VPS13C: variants seen among roughly 807,000 people sequenced by gnomAD.
VPS13C encodes the protein vacuolar protein sorting 13 homolog C, also known as intermembrane lipid transfer protein VPS13C.
A neutral mutation model predicts 456.8 loss-of-function variants in VPS13C; 358 were observed. The observed-to-expected ratio is 0.78, with a 90% confidence interval of 0.72 to 0.86. The LOEUF (loss-of-function observed/expected upper bound fraction) is 0.86. VPS13C is among the 40% of genes least tolerant of loss of function. VPS13C has a pLI of 0.00. For synonymous variants in VPS13C, 1,578 were observed against 1,486.7 expected (o/e 1.06, Z -1.41); for missense variants, 4,818 against 4,385.4 (o/e 1.10, Z -2.79).
rs201319577 is a variant in VPS13C at position 61,929,774 on chromosome 15, T to C, written c.6039-26A>G. On this transcript the variant is annotated intron_variant, in intron 50 of 84. Transcript: ENST00000644861. ...CTGAAAAAAAACATGCTATTCATTA[T>C]TTTATTCTTGCTAAAACAATAAAAA... 2.5e-4 allele frequency: 389 copies of C among 1,586,526 alleles called. 2 individuals carry two copies. In the African/African-American group the frequency reaches 4.8e-3, roughly 19 times the overall value.
chr15:61,894,452 A>C (rs2042743692), intron 66 of VPS13C, among the ~76,000 whole-genome samples: 1 of 152,206 alleles, frequency 6.6e-6, no homozygotes, highest in Non-Finnish European at 1.5e-5. Context: ...TAAATTAAAA[A>C]ATATGGCCCA....
At chr15:61,896,245 G>A (rs1482356010) in intron 66 of VPS13C, among the ~76,000 whole-genome samples, 1 of 152,196 alleles carries the variant, frequency 6.6e-6, no homozygotes, top group Non-Finnish European at 1.5e-5. Context: ...TAAGGGGGAG[G>A]AGCCAAGATG....
chr15:62,052,862 G>T (rs1015008159), intron 1 of VPS13C, among the ~76,000 whole-genome samples: 1 of 152,012 alleles, frequency 6.6e-6, no homozygotes, highest in Non-Finnish European at 1.5e-5. Context: ...TTTCCCTACT[G>T]AAACAGGAAG....
Position 61,915,915 on chromosome 15 carries a change from T to C in VPS13C, c.8163A>G (p.Lys2721=), listed in dbSNP as rs1209659844. ...GTATGCGGAAATGTCCATTCCAGTT[T>C]TTGCCCTGGTATTTCACCAGGACTA... is the stretch of plus-strand genomic sequence containing the variant. ...MELVLVKYQG[K]NWNGHFRIRD... Residue 2721 remains lysine (K), a synonymous_variant, in exon 61 of 85, where the codon AAA becomes AAG. Coordinates refer to ENST00000644861, the MANE Select transcript of VPS13C (RefSeq NM_020821.3). The C allele has an allele frequency of 3.1e-6, 5 of 1,613,958 alleles. No homozygotes were observed. Among genetic ancestry groups the C allele is most frequent in the Non-Finnish European group, 4.2e-6 (5 of 1,179,988 alleles).
intron 81 of VPS13C, chr15:61,865,636 A>T (rs2140856564): frequency 2.3e-6 from 1 of 428,052 alleles, no homozygotes; most frequent in South Asian, 9.8e-5. Flanking sequence ...ATATGGGTAT[A>T]TTTGTATGTG....
chr15:61,928,260 C>T (rs978598776), intron 51 of VPS13C, among the ~76,000 whole-genome samples: 12 of 151,558 alleles, frequency 7.9e-5, no homozygotes, highest in Admixed American at 5.2e-4. Flanking sequence ...TGTGCATGTA[C>T]GCAGGCATAA....
chr15:62,049,583 T>C (rs1037884519), intron 1 of VPS13C, among the ~76,000 whole-genome samples: 2 of 152,210 alleles, frequency 1.3e-5, no homozygotes, highest in Non-Finnish European at 2.9e-5. Flanking sequence ...CTTGGCAACA[T>C]GGGCTCTTTT....
intron 5 of VPS13C, among the ~76,000 whole-genome samples, chr15:62,030,105 G>C (rs1196990267): frequency 6.6e-6 from 1 of 152,078 alleles, no homozygotes; most frequent in Non-Finnish European, 1.5e-5. Flanking sequence ...AGTACCAACA[G>C]ATGGGTTTAC....
chr15:62,035,977 C>G (rs1304427446), intron 3 of VPS13C, among the ~76,000 whole-genome samples: 1 of 152,002 alleles, frequency 6.6e-6, no homozygotes, highest in Admixed American at 6.6e-5. Flanking sequence ...CTGTCAAAAT[C>G]TTTCCATGTT....
chr15:61,936,272 C>G (rs2044223811), intron 48 of VPS13C, among the ~76,000 whole-genome samples: 1 of 152,154 alleles, frequency 6.6e-6, no homozygotes, highest in South Asian at 2.1e-4. Flanking sequence ...AGGTCCTTTT[C>G]TCTCTTAATT....
intron 42 of VPS13C, among the ~76,000 whole-genome samples, chr15:61,947,806 T>C (rs2044657011): frequency 6.6e-6 from 1 of 152,218 alleles, no homozygotes. Context: ...TTACACCCTG[T>C]TGCTCCATCA....
chr15:61,897,703 C>T (rs1235449394), intron 66 of VPS13C, among the ~76,000 whole-genome samples: 1 of 151,938 alleles, frequency 6.6e-6, no homozygotes, highest in Non-Finnish European at 1.5e-5. Context: ...GGAGAACTTC[C>T]CCAATCTAGT....
intron 66 of VPS13C, among the ~76,000 whole-genome samples, chr15:61,903,433 T>A (rs1351262341): frequency 1.3e-5 from 2 of 151,360 alleles, no homozygotes; most frequent in East Asian, 3.9e-4. Flanking sequence ...ACAAAAAATA[T>A]ATAAAATACC....
At chr15:62,001,192 AC>A (rs1263869312) in intron 15 of VPS13C, among the ~76,000 whole-genome samples, 2 of 152,206 alleles carry the variant, frequency 1.3e-5, no homozygotes, top group Non-Finnish European at 2.9e-5. Flanking sequence ...ACTCTGTAAG[AC>A]AGATATTGTT....
At chr15:61,975,459 G>C (rs1251837477) in intron 24 of VPS13C, among the ~76,000 whole-genome samples, 2 of 151,994 alleles carry the variant, frequency 1.3e-5, no homozygotes, top group African/African-American at 2.4e-5. Context: ...CAGATTCTTC[G>C]TGTATTAAAT....
chr15:61,866,197 G>A (rs1203365524), intron 81 of VPS13C: 20 of 984,666 alleles, frequency 2.0e-5, no homozygotes, highest in South Asian at 4.7e-5. Flanking sequence ...TGACATCCAC[G>A]ACAAAAACTA....
chr15:61,939,116 G>T (rs2044328743), intron 47 of VPS13C, among the ~76,000 whole-genome samples: 1 of 152,040 alleles, frequency 6.6e-6, no homozygotes, highest in Non-Finnish European at 1.5e-5. Flanking sequence ...TTTTATCCAT[G>T]TTCTGCTACC....
chr15:62,036,975 A>C (rs2048021075), intron 3 of VPS13C, among the ~76,000 whole-genome samples: 1 of 150,542 alleles, frequency 6.6e-6, no homozygotes, highest in Non-Finnish European at 1.5e-5. Flanking sequence ...TTTAACAACT[A>C]ATATAAATGC....
chr15:61,962,307 C>A, intron 34 of VPS13C, 64 bp downstream of exon 34: 2 of 1,419,618 alleles, frequency 1.4e-6, no homozygotes, highest in Admixed American at 2.2e-5. Flanking sequence ...CATTTGCCAT[C>A]ATAATTATCA....
Sources: allele counts gnomAD v4.1 joint callset (sites outside exome capture counted in the v4.1 genomes callset), GRCh38; gene constraint gnomAD v4.1.1; transcripts MANE v1.5; gene names NCBI Gene and HGNC (gene_info 2026-07-23, HGNC 2026-07-21).